Variants in INPP5D observed in about 807,000 individuals in gnomAD.
The protein encoded by INPP5D is inositol polyphosphate-5-phosphatase D.
Under a neutral mutation model 122.9 loss-of-function variants are expected in INPP5D, and 33 were observed. The ratio of observed to expected loss-of-function variants is 0.27; its 90% CI spans 0.20 to 0.36. INPP5D has a LOEUF of 0.36. INPP5D is among the 10% of genes least tolerant of loss of function. The pLI, the probability that INPP5D is intolerant of heterozygous loss-of-function variation, is 1.00. For synonymous variants in INPP5D, 584 were observed against 576.2 expected (o/e 1.01, Z -0.19); for missense variants, 1,053 against 1,412.7 (o/e 0.75, Z 4.08).
chr2:233,184,786 A>G (rs1694867855), intron 20 of INPP5D, among the ~76,000 whole-genome samples: 1 of 152,134 alleles, frequency 6.6e-6, no homozygotes, highest in African/African-American at 2.4e-5. Flanking sequence ...GCAGGGTCCA[A>G]TCCCTGGCCC....
rs1390266362 is a variant in INPP5D, at chr2:233,078,105, T to A, written c.135-1230T>A. Among the ~76,000 whole-genome samples the A allele has an allele frequency of 6.6e-6, 1 of 152,138 alleles. No individual in the cohort carries two copies. Among genetic ancestry groups the A allele is most frequent in the Non-Finnish European group, 1.5e-5 (1 of 68,014 alleles). On this transcript the variant is annotated intron_variant, in intron 1 of 26. Coordinates refer to ENST00000445964, the MANE Select transcript of INPP5D (RefSeq NM_001017915.3). The surrounding 1 kb of genome is among the most constrained non-coding windows in gnomAD (Gnocchi z 4.6). Reference sequence around the variant, plus strand: ...GTGAGAACAGACCAGCAGCTTTAAGTAAGAGCCTAAGATCCAAATAGCTTT... The same window carrying A: ...GTGAGAACAGACCAGCAGCTTTAAGAAAGAGCCTAAGATCCAAATAGCTTT...
At chr2:233,175,395 G>A (rs1694592890) in intron 17 of INPP5D, among the ~76,000 whole-genome samples, 1 of 152,102 alleles carries the variant, frequency 6.6e-6, no homozygotes, top group Non-Finnish European at 1.5e-5. Flanking sequence ...AGTATCTACT[G>A]AGTGAGTCCA....
Position 233,204,581 on chromosome 2 carries a change from C to A in INPP5D, c.3431C>A (p.Pro1144Gln). The part of the protein sequence containing the change: ...PPTPTPRPPL[P>Q]VKSPAVLHLQ... ...ACCCCGACGCCGCGGCCGCCGCTGC[C>A]AGTCAAGAGCCCGGCGGTGCTGCAC... Residue 1144 changes from proline (P) to glutamine (Q), a missense_variant, in exon 26 of 27, where the codon CCA (proline) becomes CAA (glutamine). Transcript: ENST00000445964. The A allele has an allele frequency of 6.4e-7, 1 of 1,568,108 alleles. No individual in the cohort carries two copies. The highest frequency in any genetic ancestry group is 8.6e-7 in the Non-Finnish European group (1 of 1,157,870).
intron 10 of INPP5D, 120 bp from the exon 11 acceptor site, chr2:233,161,604 T>G: frequency 7.3e-7 from 1 of 1,368,532 alleles, no homozygotes; most frequent in East Asian, 2.7e-5. Context: ...GTTGCTGTCC[T>G]GGAAGTTCAC....
chr2:233,182,308 G>A, intron 18 of INPP5D, 102 bp from the exon 19 acceptor site: 1 of 1,535,312 alleles, frequency 6.5e-7, no homozygotes, highest in South Asian at 1.2e-5. Flanking sequence ...ACTTCTGGAG[G>A]GCTCCATAAC....
At chr2:233,061,532 C>G (rs561169902) in intron 1 of INPP5D, among the ~76,000 whole-genome samples, 8 of 152,186 alleles carry the variant, frequency 5.3e-5, no homozygotes, top group African/African-American at 1.9e-4. Context: ...CCTGGGCTGG[C>G]AGAAATGTTC....
At chr2:233,201,249 G>C (rs551886189) in intron 25 of INPP5D, among the ~76,000 whole-genome samples, 1 of 152,292 alleles carries the variant, frequency 6.6e-6, no homozygotes, top group South Asian at 2.1e-4. Context: ...CCTCTTTGGA[G>C]ACCCCAGGAA....
At chr2:233,148,168 G>A (rs36134067) in intron 9 of INPP5D, among the ~76,000 whole-genome samples, 73,925 of 152,098 alleles carry the variant, frequency 0.49, 18,441 homozygotes, top group South Asian at 0.66. Context: ...GCTGCAGTGG[G>A]GCAAGACAAG....
chr2:233,099,065 C>T (rs1692229838), intron 2 of INPP5D, among the ~76,000 whole-genome samples: 1 of 152,020 alleles, frequency 6.6e-6, no homozygotes, highest in South Asian at 2.1e-4. Context: ...ATTCTTCTGC[C>T]TCAGCCTCCG....
rs1326360066 is a variant in INPP5D, at chr2:233,082,513, T to C, written c.198+3115T>C. Among the ~76,000 whole-genome samples, 6 of 152,198 alleles carry C rather than the reference T, an allele frequency of 3.9e-5. No individual in the cohort carries two copies. Among genetic ancestry groups the C allele is most frequent in the Admixed American group, 3.9e-4 (6 of 15,278 alleles). The stretch of plus-strand genomic sequence containing the variant: ...GAATCTGGCCTGAAATTTTGCCAAG[T>C]GAAGCACCGAAAGGCTTTCATTGTT... On this transcript the variant is annotated intron_variant, in intron 2 of 26. Transcript: ENST00000445964. The surrounding 1 kb of genome is among the most constrained non-coding windows in gnomAD (Gnocchi z 4.7).
chr2:233,136,734 T>C (rs1693475680), intron 5 of INPP5D, among the ~76,000 whole-genome samples: 1 of 152,134 alleles, frequency 6.6e-6, no homozygotes, highest in Non-Finnish European at 1.5e-5. Context: ...GCTGAGCAAC[T>C]GAGCAATAAC....
At chr2:233,086,133 CTTTCT>C (rs1553569193) in intron 2 of INPP5D, among the ~76,000 whole-genome samples, 1 of 123,138 alleles carries the variant, frequency 8.1e-6, no homozygotes, top group African/African-American at 3.2e-5. Context: ...TTCTTTCTTT[CTTTCT>C]TTCTTTCTTT....
intron 1 of INPP5D, among the ~76,000 whole-genome samples, chr2:233,065,950 T>A (rs1022184287): frequency 5.9e-5 from 9 of 151,632 alleles, no homozygotes; most frequent in Non-Finnish European, 1.2e-4. Flanking sequence ...TGGCCTTTTT[T>A]TAAAATTATT....
chr2:233,119,221 G>A (rs1382710418), intron 2 of INPP5D, among the ~76,000 whole-genome samples: 2 of 152,140 alleles, frequency 1.3e-5, no homozygotes, highest in South Asian at 2.1e-4. Context: ...CCCTCCAGCC[G>A]AGAATCCTTT....
chr2:233,065,435 G>A (rs1157114869), intron 1 of INPP5D, among the ~76,000 whole-genome samples: 5 of 148,918 alleles, frequency 3.4e-5, no homozygotes, highest in Non-Finnish European at 7.4e-5. Context: ...AGCCCTCCAA[G>A]CAGCTGGGAT....
At chr2:233,167,467 A>C (rs1481714294) in intron 13 of INPP5D, among the ~76,000 whole-genome samples, 1 of 152,242 alleles carries the variant, frequency 6.6e-6, no homozygotes, top group Non-Finnish European at 1.5e-5. Flanking sequence ...AACTTGCCCA[A>C]GGCCCCGGGA....
chr2:233,063,207 CT>C (rs1192103777), intron 1 of INPP5D, among the ~76,000 whole-genome samples: 1 of 152,218 alleles, frequency 6.6e-6, no homozygotes, highest in East Asian at 1.9e-4. Context: ...TGGAGCCACC[CT>C]GCTCTAGAAG....
chr2:233,206,676 C>T lies in INPP5D; in HGVS notation c.3568-30C>T. ...TCAACATGGCCTGGTGAGAATGAGC[C>T]CTGACAGCCCTTCTGTTCTTGTCCC... On this transcript the variant is annotated intron_variant, in intron 26 of 26. Transcript: ENST00000445964. This position sits in a 1 kb window ranked among gnomAD's most constrained non-coding sequence, Gnocchi z 4.0. 3.9e-6 allele frequency: 3 copies of T among 770,392 alleles called. No individual in the cohort carries two copies. The highest frequency in any genetic ancestry group is 4.8e-6 in the Non-Finnish European group (2 of 413,382). 47.7% of individuals were successfully genotyped at this position (770,392 alleles called of 1,614,324 possible). A position where few individuals can be genotyped will look rare whatever the true frequency, so the allele number is the denominator to read the frequency against.
Position 233,105,824 on chromosome 2 carries a change from G to A in INPP5D, c.199-16283G>A, listed in dbSNP as rs1198932218. Among the ~76,000 whole-genome samples the A allele has an allele frequency of 3.9e-5, 6 of 152,138 alleles. No homozygotes were observed. The highest frequency in any genetic ancestry group is 7.4e-5 in the Non-Finnish European group (5 of 68,024). ...TGCCAGGGAGAGAGTGGCTCTGGGG[G>A]GCCACAGTGGGGTTCTGGCTTGTTG... is the stretch of plus-strand genomic sequence containing the variant. On this transcript the variant is annotated intron_variant, in intron 2 of 26. Coordinates refer to ENST00000445964, the MANE Select transcript of INPP5D (RefSeq NM_001017915.3). This position sits in a 1 kb window ranked among gnomAD's most constrained non-coding sequence, Gnocchi z 4.0.
Sources: gnomAD v4.1 joint callset for allele counts (sites outside exome capture counted in the v4.1 genomes callset) on GRCh38, gnomAD v4.1.1 for gene constraint, Gnocchi (gnomAD v3.1) non-coding constraint, MANE v1.5 for transcripts, NCBI Gene and HGNC (gene_info 2026-07-23, HGNC 2026-07-21) for gene names.